The following NRG3 variants were observed in gnomAD, a reference collection of about 807,000 sequenced individuals.
The protein encoded by NRG3 is neuregulin 3, also known as pro-neuregulin-3, membrane-bound isoform.
A neutral mutation model predicts 66.9 loss-of-function variants in NRG3; 31 were observed. The observed-to-expected ratio is 0.46, with a 90% CI of 0.35 to 0.63. The LOEUF (loss-of-function observed/expected upper bound fraction) is 0.63. Ranked by LOEUF, NRG3 falls within the 20% of genes least tolerant of loss-of-function variation. The pLI, the probability that NRG3 is intolerant of heterozygous loss-of-function variation, is 0.00. For synonymous variants in NRG3, 393 were observed against 359.4 expected (o/e 1.09, Z -1.06); for missense variants, 910 against 878.9 (o/e 1.04, Z -0.45).
intron 3 of NRG3, among the ~76,000 whole-genome samples, chr10:82,845,699 G>T (rs2063279781): frequency 6.6e-6 from 1 of 151,924 alleles, no homozygotes; most frequent in Non-Finnish European, 1.5e-5. Flanking sequence ...GAGAAAAGTA[G>T]ATATGGAAGA....
intron 1 of NRG3, among the ~76,000 whole-genome samples, chr10:82,131,789 T>C (rs189869742): frequency 6.6e-6 from 1 of 152,274 alleles, no homozygotes; most frequent in East Asian, 1.9e-4. Context: ...TAATTTTATT[T>C]GTAGCTATTG....
intron 2 of NRG3, among the ~76,000 whole-genome samples, chr10:82,631,636 C>T (rs886731842): frequency 4.7e-5 from 7 of 149,928 alleles, no homozygotes; most frequent in Admixed American, 1.3e-4. Context: ...CTGACCTCCA[C>T]GTTGGCACTG....
In NRG3 at chr10:82,673,823, A is replaced by G. The variant is rs1208910518; in HGVS notation, c.954-64754A>G. 2.0e-5 allele frequency among the ~76,000 whole-genome samples: 3 copies of G among 152,218 alleles called. No individual in the cohort carries two copies. In the East Asian group the frequency reaches 5.8e-4, roughly 29 times the overall value. Reference sequence around the variant, plus strand: ...CAAAGGAGAGGCCTATGCTAAAAATATAAATATGTGGAGTATCTTTAAGTA... The same window carrying G: ...CAAAGGAGAGGCCTATGCTAAAAATGTAAATATGTGGAGTATCTTTAAGTA... On this transcript the variant is annotated intron_variant, in intron 2 of 8. Transcript: ENST00000372141.
At chr10:82,146,448 G>C (rs1243494193) in intron 1 of NRG3, among the ~76,000 whole-genome samples, 1 of 151,546 alleles carries the variant, frequency 6.6e-6, no homozygotes, top group African/African-American at 2.4e-5. Flanking sequence ...GATTCTCAGG[G>C]CTCAGTCATT....
At chr10:82,490,968 C>T (rs986468849) in intron 2 of NRG3, among the ~76,000 whole-genome samples, 3 of 152,068 alleles carry the variant, frequency 2.0e-5, no homozygotes, top group East Asian at 1.9e-4. Flanking sequence ...AAATGTGTCC[C>T]GTTATGTCAT....
chr10:81,876,929 A>T (rs1841719669), intron 1 of NRG3, among the ~76,000 whole-genome samples: 1 of 151,658 alleles, frequency 6.6e-6, no homozygotes, highest in Non-Finnish European at 1.5e-5. Flanking sequence ...ACGAAGGAGG[A>T]GTTTTTTTCA....
At chr10:81,988,063 T>G (rs1055642107) in intron 1 of NRG3, among the ~76,000 whole-genome samples, 1 of 152,192 alleles carries the variant, frequency 6.6e-6, no homozygotes, top group Non-Finnish European at 1.5e-5. Flanking sequence ...AATGGCAGAT[T>G]TAATAAACTA....
At chr10:82,031,568 C>CT (rs766798061) in intron 1 of NRG3, among the ~76,000 whole-genome samples, 2 of 152,024 alleles carry the variant, frequency 1.3e-5, no homozygotes, top group Middle Eastern at 3.4e-3. Context: ...TAAAAAAATT[C>CT]TTTTTTTAAC....
chr10:82,235,660 A>C (rs917571375), intron 1 of NRG3, among the ~76,000 whole-genome samples: 2 of 152,130 alleles, frequency 1.3e-5, no homozygotes, highest in Non-Finnish European at 2.9e-5. Context: ...AGCACACAGC[A>C]TTTTGACCTT....
At chr10:82,263,730 C>T (rs965174107) in intron 1 of NRG3, among the ~76,000 whole-genome samples, 29 of 152,012 alleles carry the variant, frequency 1.9e-4, no homozygotes, top group Non-Finnish European at 3.8e-4. Flanking sequence ...CTTCCCTTTC[C>T]CAAGGGATGA....
At chr10:81,937,983 T>G (rs534461995) in intron 1 of NRG3, among the ~76,000 whole-genome samples, 2 of 152,274 alleles carry the variant, frequency 1.3e-5, no homozygotes, top group East Asian at 3.9e-4. Context: ...CCTGATACCA[T>G]TTGTTGAAGA....
intron 2 of NRG3, among the ~76,000 whole-genome samples, chr10:82,513,162 T>A (rs186294132): frequency 4.6e-5 from 7 of 152,330 alleles, no homozygotes; most frequent in South Asian, 2.1e-4. Context: ...TATGTCCATA[T>A]GTTCTCATTG....
intron 2 of NRG3, among the ~76,000 whole-genome samples, chr10:82,525,869 T>G (rs1846645080): frequency 1.3e-5 from 2 of 151,784 alleles, no homozygotes; most frequent in South Asian, 4.1e-4. Context: ...CAGATCAAAT[T>G]AAAAACTTAC....
intron 2 of NRG3, among the ~76,000 whole-genome samples, chr10:82,402,607 A>C (rs1398028120): frequency 6.6e-6 from 1 of 152,140 alleles, no homozygotes; most frequent in Non-Finnish European, 1.5e-5. Context: ...CTTTCCAGGG[A>C]CAGCCTGTGA....
chr10:82,661,714 T>A (rs1220208987), intron 2 of NRG3, among the ~76,000 whole-genome samples: 2 of 152,224 alleles, frequency 1.3e-5, no homozygotes, highest in Non-Finnish European at 2.9e-5. Context: ...GGCGTATTTA[T>A]GTATTCATGA....
At chr10:82,865,486 T>G in intron 4 of NRG3, 49 bp downstream of exon 4, 1 of 1,568,132 alleles carries the variant, frequency 6.4e-7, no homozygotes, top group Non-Finnish European at 8.8e-7. Context: ...TGCTAAGCTT[T>G]ATGATGTACA....
intron 3 of NRG3, among the ~76,000 whole-genome samples, chr10:82,786,000 T>A (rs1029914461): frequency 7.2e-5 from 11 of 152,130 alleles, no homozygotes; most frequent in African/African-American, 2.7e-4. Context: ...TTTAAATGGA[T>A]GTTGCGAAGA....
chr10:82,864,671 C>A (rs505708), intron 3 of NRG3, among the ~76,000 whole-genome samples: 96,649 of 152,120 alleles, frequency 0.64, 31,703 homozygotes, highest in African/African-American at 0.8. Context: ...CATTGCTCTG[C>A]TGATCAGGCA....
At chr10:82,749,824 A>T (rs1349431717) in intron 3 of NRG3, among the ~76,000 whole-genome samples, 1 of 151,706 alleles carries the variant, frequency 6.6e-6, no homozygotes, top group African/African-American at 2.4e-5. Context: ...TGGGGCCAAG[A>T]CTACCCGAAG....
Sources: allele counts gnomAD v4.1 joint callset (sites outside exome capture counted in the v4.1 genomes callset), GRCh38; gene constraint gnomAD v4.1.1; transcripts MANE v1.5; gene names NCBI Gene and HGNC (gene_info 2026-07-23, HGNC 2026-07-21).